CHD2: variants seen among roughly 807,000 people sequenced by gnomAD.
The protein encoded by CHD2 is chromodomain helicase DNA binding protein 2.
CHD2 carries 28 observed loss-of-function variants against 243.9 expected under a neutral mutation model. The ratio of observed to expected loss-of-function variants is 0.11; its 90% CI spans 0.09 to 0.16. CHD2 has a LOEUF of 0.16. Among genes scored for constraint, CHD2 ranks in the 10% least tolerant of loss-of-function variants. CHD2 has a pLI of 1.00. For missense variants in CHD2, 1,386 were observed against 2,209.8 expected (o/e 0.63, Z 7.47); for synonymous variants, 775 against 779.0 (o/e 0.99, Z 0.09).
At chr15:92,923,800 G>A (rs529874497) in intron 2 of CHD2, among the ~76,000 whole-genome samples, 11 of 152,172 alleles carry the variant, frequency 7.2e-5, no homozygotes, top group Admixed American at 5.2e-4. Flanking sequence ...TCCTGACCTC[G>A]TGATCCGCCC....
intron 14 of CHD2, among the ~76,000 whole-genome samples, chr15:92,954,925 T>C (rs565791573): frequency 2.0e-5 from 3 of 152,362 alleles, no homozygotes; most frequent in Admixed American, 6.5e-5. Flanking sequence ...TTGACGTTAT[T>C]ATACGTATTG....
chr15:92,900,958 T>G (rs937868098), intron 1 of CHD2, 134 bp downstream of exon 1: 2 of 462,238 alleles, frequency 4.3e-6, no homozygotes, highest in African/African-American at 2.1e-5. Flanking sequence ...TGTGCTACTT[T>G]GAGAAAGTTT....
rs770126779 is a variant in CHD2, at chr15:92,974,941, T to A, written c.2568T>A (p.Asp856Glu). Residue 856 changes from aspartate to glutamate, a missense_variant, in exon 20 of 39, where the codon GAT (aspartate) becomes GAA (glutamate). Asp to Glu is a conservative substitution (Grantham distance 45). Transcript: ENST00000394196. ...AGGCACTGGACCACTTCAATGCAGA[T>A]GGGTCTGAGGTATACTATGCATGGC... is the stretch of plus-strand genomic sequence containing the variant. ...RKQALDHFNADGSEDFCFLLS... is the reference protein window; with the variant it reads ...RKQALDHFNAEGSEDFCFLLS... The A allele has an allele frequency of 1.5e-5, 24 of 1,613,574 alleles. No individual in the cohort carries two copies. Among genetic ancestry groups the A allele is most frequent in the Middle Eastern group, 1.7e-4 (1 of 6,060 alleles).
intron 35 of CHD2, among the ~76,000 whole-genome samples, chr15:93,009,974 C>T (rs1282661449): frequency 6.6e-6 from 1 of 152,124 alleles, no homozygotes; most frequent in Non-Finnish European, 1.5e-5. Context: ...TTTGGTGCAC[C>T]CATCACCCGA....
chr15:92,980,663 T>C (rs929634080), intron 22 of CHD2, 152 bp from the exon 23 acceptor site: 24 of 601,036 alleles, frequency 4.0e-5, no homozygotes, highest in South Asian at 6.4e-5. Context: ...ATCCTGTAGA[T>C]AGAAAATGCG....
intron 13 of CHD2, chr15:92,950,280 C>T (rs961900467): frequency 3.3e-5 from 5 of 152,210 alleles, no homozygotes; most frequent in African/African-American, 9.6e-5. Context: ...CTAAAAGAAA[C>T]TGTTATTTCT....
At position 92,997,558 on chromosome 15, in the gene CHD2, C is replaced by T; in HGVS notation, c.3885+155C>T. On this transcript the variant is annotated intron_variant, in intron 30 of 38. Transcript: ENST00000394196. This position sits in a 1 kb window ranked among gnomAD's most constrained non-coding sequence, Gnocchi z 4.1. Reference sequence around the variant, plus strand: ...CTTCCATCTTTAGCAGATTGTGGCACTGTTTCACGGATGAAGATAAAGGGA... The same window carrying T: ...CTTCCATCTTTAGCAGATTGTGGCATTGTTTCACGGATGAAGATAAAGGGA... The T allele has an allele frequency of 3.1e-6, 2 of 644,104 alleles. No homozygotes were observed. The highest frequency in any genetic ancestry group is 3.3e-5 in the East Asian group (1 of 30,136). The allele number at this position is 644,104 out of a possible 1,614,324, so 39.9% of individuals were successfully genotyped here.
chr15:92,917,371 C>T (rs1339230772), intron 2 of CHD2, among the ~76,000 whole-genome samples: 3 of 152,036 alleles, frequency 2.0e-5, no homozygotes, highest in East Asian at 1.9e-4. Flanking sequence ...CCAGCCTGGC[C>T]GACATGGTGA....
At chr15:92,934,937 T>C (rs545191684) in intron 5 of CHD2, among the ~76,000 whole-genome samples, 97 of 152,292 alleles carry the variant, frequency 6.4e-4, no homozygotes, top group African/African-American at 2.3e-3. Flanking sequence ...GTTGGTGATA[T>C]GGCCAAGCAA....
chr15:93,010,650 C>T (rs2054380959), intron 35 of CHD2, among the ~76,000 whole-genome samples: 1 of 152,152 alleles, frequency 6.6e-6, no homozygotes, highest in African/African-American at 2.4e-5. Context: ...TCTCGAGCTC[C>T]TGACCTTAGG....
At chr15:92,986,692 G>A (rs1343123908) in intron 26 of CHD2, among the ~76,000 whole-genome samples, 2 of 152,048 alleles carry the variant, frequency 1.3e-5, no homozygotes, top group Admixed American at 6.6e-5. Flanking sequence ...GTGTTTTTCA[G>A]GTCTTTAATT....
intron 2 of CHD2, 45 bp downstream of exon 2, chr15:92,901,344 GA>G (rs2052526498): frequency 8.6e-7 from 1 of 1,162,252 alleles, no homozygotes; most frequent in South Asian, 1.3e-5. Context: ...TTTTTTGGGG[GA>G]GAAACCTCAG....
At chr15:92,927,145 A>G in intron 3 of CHD2, 99 bp from the exon 4 acceptor site, 3 of 873,970 alleles carry the variant, frequency 3.4e-6, no homozygotes, top group Non-Finnish European at 5.4e-6. Context: ...AACCCTTTTG[A>G]TACTTGGTTA....
intron 35 of CHD2, among the ~76,000 whole-genome samples, chr15:93,010,604 A>T (rs899935678): frequency 4.6e-5 from 7 of 151,900 alleles, no homozygotes; most frequent in Non-Finnish European, 4.4e-5. Context: ...TTGTATTTTT[A>T]GTAGAGATGG....
At chr15:92,928,084 G>A (rs1443638009) in intron 4 of CHD2, among the ~76,000 whole-genome samples, 2 of 152,148 alleles carry the variant, frequency 1.3e-5, no homozygotes, top group Non-Finnish European at 1.5e-5. Flanking sequence ...GCTATATAAC[G>A]TACTTCTGAT....
chr15:92,997,382 A>C lies in CHD2; in HGVS notation c.3864A>C (p.Pro1288=). The change falls in exon 30 of 39, where the codon CCA becomes CCC. Residue 1288 remains proline (P), a synonymous_variant. Transcript: ENST00000394196. This position sits in a 1 kb window ranked among gnomAD's most constrained non-coding sequence, Gnocchi z 4.1. ...ACTGGGAGTTAATTAAAACAGACCC[A>C]GAGCTTAAATTAACTGACAAAGTAA... ...YGNWELIKTD[P]ELKLTDKILP... is the part of the protein sequence containing the mutation. 6.3e-7 allele frequency: 1 copy of C among 1,595,742 alleles called. No individual in the cohort carries two copies. The highest frequency in any genetic ancestry group is 2.2e-5 in the East Asian group (1 of 44,674).
intron 17 of CHD2, among the ~76,000 whole-genome samples, chr15:92,969,392 C>T (rs1422823951): frequency 2.0e-5 from 3 of 152,226 alleles, no homozygotes; most frequent in African/African-American, 4.8e-5. Flanking sequence ...CTGCTCTTCC[C>T]ACTGTAGAGC....
chr15:92,968,773 C>A (rs547966190), intron 17 of CHD2, among the ~76,000 whole-genome samples: 1 of 152,244 alleles, frequency 6.6e-6, no homozygotes, highest in South Asian at 2.1e-4. Flanking sequence ...ATTATGAACT[C>A]ATCAATTACA....
Position 93,014,676 on chromosome 15 carries a change from G to A in CHD2, c.4693-20G>A. 6.2e-7 allele frequency: 1 copy of A among 1,607,276 alleles called. No individual in the cohort carries two copies. The highest frequency in any genetic ancestry group is 8.5e-7 in the Non-Finnish European group (1 of 1,175,894). On this transcript the variant is annotated intron_variant, in intron 36 of 38. Transcript: ENST00000394196. ...TAAGCCTGGGATCTTGAGCTTCTTT[G>A]GTTTCCTTTTACTCTTTAGGAGCAA...
Sources: allele counts gnomAD v4.1 joint callset (sites outside exome capture counted in the v4.1 genomes callset), GRCh38; gene constraint gnomAD v4.1.1; non-coding constraint Gnocchi (gnomAD v3.1); transcripts MANE v1.5; gene names NCBI Gene and HGNC (gene_info 2026-07-23, HGNC 2026-07-21).